Variants in TM4SF18 observed in about 807,000 individuals in gnomAD.
TM4SF18 encodes the protein transmembrane 4 L6 family member 18.
A neutral mutation model predicts 23.8 loss-of-function variants in TM4SF18; 22 were observed. The observed-to-expected ratio is 0.92, with a 90% confidence interval of 0.66 to 1.32. TM4SF18 has a LOEUF of 1.32. Ranked by LOEUF, TM4SF18 falls within the 40% of genes most tolerant of loss-of-function variation. The pLI, the probability that TM4SF18 is intolerant of heterozygous loss-of-function variation, is 0.00. For synonymous variants in TM4SF18, 87 were observed against 87.9 expected (o/e 0.99, Z 0.06); for missense variants, 255 against 240.3 (o/e 1.06, Z -0.41).
intron 4 of TM4SF18, among the ~76,000 whole-genome samples, chr3:149,323,063 A>AT (rs1298217249): frequency 6.6e-6 from 1 of 151,802 alleles, no homozygotes; most frequent in Non-Finnish European, 1.5e-5. Context: ...CGCCCGGCTA[A>AT]TTTTTTGTAT....
intron 4 of TM4SF18, among the ~76,000 whole-genome samples, chr3:149,324,250 C>T (rs1388486135): frequency 2.0e-5 from 3 of 152,168 alleles, no homozygotes; most frequent in African/African-American, 7.2e-5. Context: ...TGTGAGACTC[C>T]TGACTGAATT....
In TM4SF18 at chr3:149,321,312, G is replaced by A. The variant is rs1189838886; in HGVS notation, c.*166C>T. ...ATATTACTTAAAAAACATACTAAATGGAAGGGTGGTATACTTGCATGTGCA... is the reference window on the plus strand; with the variant it reads ...ATATTACTTAAAAAACATACTAAATAGAAGGGTGGTATACTTGCATGTGCA... On this transcript the variant is annotated 3_prime_UTR_variant, in exon 6 of 6. Coordinates refer to ENST00000296059, the MANE Select transcript of TM4SF18 (RefSeq NM_138786.4). 10 of 452,620 alleles carry A rather than the reference G, an allele frequency of 2.2e-5. No individual in the cohort carries two copies. The highest frequency in any genetic ancestry group is 3.2e-5 in the Non-Finnish European group (8 of 246,250). The allele number at this position is 452,620 out of a possible 1,614,324, so 28.0% of individuals were successfully genotyped here.
At chr3:149,328,127 G>T (rs1730997328) in intron 3 of TM4SF18, among the ~76,000 whole-genome samples, 1 of 152,144 alleles carries the variant, frequency 6.6e-6, no homozygotes. Flanking sequence ...AATGGAGAGT[G>T]CCTTAGTTCC....
chr3:149,323,563 A>G (rs1043215687), intron 4 of TM4SF18, among the ~76,000 whole-genome samples: 1 of 152,216 alleles, frequency 6.6e-6, no homozygotes, highest in African/African-American at 2.4e-5. Flanking sequence ...ATGGACATTT[A>G]TCAGTTCCCA....
At chr3:149,330,842 T>C (rs1731071542) in intron 2 of TM4SF18, among the ~76,000 whole-genome samples, 1 of 152,144 alleles carries the variant, frequency 6.6e-6, no homozygotes, top group African/African-American at 2.4e-5. Context: ...CCTCTCTTCA[T>C]TTACTGTCCT....
Position 149,319,081 on chromosome 3 carries a change from C to T in TM4SF18, c.*2397G>A, listed in dbSNP as rs979517128. 3.3e-5 allele frequency: 5 copies of T among 151,898 alleles called. No individual in the cohort carries two copies. The highest frequency in any genetic ancestry group is 4.4e-5 in the Non-Finnish European group (3 of 67,998). 9.4% of individuals were successfully genotyped at this position (151,898 alleles called of 1,614,324 possible). On this transcript the variant is annotated 3_prime_UTR_variant, in exon 6 of 6. Coordinates refer to ENST00000296059, the MANE Select transcript of TM4SF18 (RefSeq NM_138786.4). ...GGTATCATGCTGCATTTGGCTGTAC[C>T]CCTGATGTGTCCAATGCTGTGGTGG...
chr3:149,322,905 C>CTTTTTTTTTTTT (rs34338382), intron 4 of TM4SF18, among the ~76,000 whole-genome samples: 6 of 128,784 alleles, frequency 4.7e-5, no homozygotes, highest in Non-Finnish European at 6.9e-5. Context: ...GGCCTCCAGA[C>CTTTTTTTTTTTT]TTTTTTTTTT....
Position 149,319,851 on chromosome 3 carries a change from A to G in TM4SF18, c.*1627T>C, listed in dbSNP as rs1030727686. On this transcript the variant is annotated 3_prime_UTR_variant, in exon 6 of 6. Coordinates refer to ENST00000296059, the MANE Select transcript of TM4SF18 (RefSeq NM_138786.4). ...CTAGTTCAAATTCTTATGCTTGAATAACCACCAGTCTTGTTTGGACAGTGT... is the reference window on the plus strand; with the variant it reads ...CTAGTTCAAATTCTTATGCTTGAATGACCACCAGTCTTGTTTGGACAGTGT... 6.6e-5 allele frequency: 10 copies of G among 152,230 alleles called. No homozygotes were observed. The highest frequency in any genetic ancestry group is 2.4e-4 in the African/African-American group (10 of 41,466). The allele number at this position is 152,230 out of a possible 1,614,324, so 9.4% of individuals were successfully genotyped here.
At chr3:149,332,393 C>A (rs1225143847) in intron 2 of TM4SF18, among the ~76,000 whole-genome samples, 1 of 152,088 alleles carries the variant, frequency 6.6e-6, no homozygotes, top group African/African-American at 2.4e-5. Context: ...AATGACTTGA[C>A]CAGGAAATTG....
At chr3:149,321,597 A>G in intron 5 of TM4SF18, 105 bp from the exon 6 acceptor site, 1 of 686,236 alleles carries the variant, frequency 1.5e-6, no homozygotes, top group Non-Finnish European at 2.4e-6. Context: ...TATTCAAAAT[A>G]TGATAGAACA....
At chr3:149,327,280 TG>T (rs1217579318) in intron 3 of TM4SF18, among the ~76,000 whole-genome samples, 1 of 152,146 alleles carries the variant, frequency 6.6e-6, no homozygotes, top group Non-Finnish European at 1.5e-5. Context: ...GTCTTGTAAT[TG>T]GTTTTTGAGC....
At chr3:149,323,720 C>A (rs1730865649) in intron 4 of TM4SF18, among the ~76,000 whole-genome samples, 2 of 152,020 alleles carry the variant, frequency 1.3e-5, no homozygotes, top group South Asian at 2.1e-4. Flanking sequence ...GTGGTTTGAA[C>A]AATATGAAAT....
At chr3:149,322,506 G>T in intron 4 of TM4SF18, 70 bp from the exon 5 acceptor site, 1 of 1,345,318 alleles carries the variant, frequency 7.4e-7, no homozygotes, top group Non-Finnish European at 1.0e-6. Context: ...TTGTATGTTT[G>T]AGAAATTACT....
At chr3:149,324,790 A>G in intron 4 of TM4SF18, 90 bp downstream of exon 4, 1 of 1,559,114 alleles carries the variant, frequency 6.4e-7, no homozygotes, top group Non-Finnish European at 8.8e-7. Flanking sequence ...TGGAACCCCA[A>G]AGTGATCATG....
At chr3:149,333,143 G>C in intron 2 of TM4SF18, 63 bp downstream of exon 2, 1 of 1,420,902 alleles carries the variant, frequency 7.0e-7, no homozygotes, top group South Asian at 1.4e-5. Flanking sequence ...ACTTCTACTA[G>C]TTACAAGGTA....
At position 149,318,937 on chromosome 3, in the gene TM4SF18, AAC is replaced by A. The variant is rs1730737705; in HGVS notation, c.*2539_*2540del. On this transcript the variant is annotated 3_prime_UTR_variant, in exon 6 of 6. Coordinates refer to ENST00000296059, the MANE Select transcript of TM4SF18 (RefSeq NM_138786.4). ...TTACTTTGAATTCACGAGGATATAAAACACATATTCAGCTTTTTTTGTATTCA... is the reference window on the plus strand; with the variant it reads ...TTACTTTGAATTCACGAGGATATAAAACATATTCAGCTTTTTTTGTATTCA... 1 of 152,220 alleles carries A rather than the reference AAC, an allele frequency of 6.6e-6. No individual in the cohort carries two copies. Among genetic ancestry groups the A allele is most frequent in the Non-Finnish European group, 1.5e-5 (1 of 68,042 alleles). 9.4% of individuals were successfully genotyped at this position (152,220 alleles called of 1,614,324 possible).
Position 149,325,122 on chromosome 3 carries a change from C to CA in TM4SF18, c.268-101dup, listed in dbSNP as rs1730911280. On this transcript the variant is annotated intron_variant, in intron 3 of 5. Coordinates refer to ENST00000296059, the MANE Select transcript of TM4SF18 (RefSeq NM_138786.4). ...CTACATTCCCCTATTCACCCAAGCT[C>CA]ATGCAGTCTATACAATACTAAATGC... 3.3e-6 allele frequency: 4 copies of CA among 1,199,398 alleles called. No individual in the cohort carries two copies. The South Asian group carries it at 5.7e-5, about 17-fold the overall frequency. The allele number at this position is 1,199,398 out of a possible 1,614,324, so 74.3% of individuals were successfully genotyped here.
rs758358953 is a variant in TM4SF18, at chr3:149,322,412, C to T, written c.435G>A (p.Trp145Ter). ...CATGTGCAGGTTCCAGGCACTGAAT[C>T]CATATGCTAGAATCTGTAAGGAAAC... ...AGRFLTDSSI[W>*]IQCLEPAHVV... Residue 145 changes from tryptophan (W) to a stop codon, truncating the protein, a stop_gained, in exon 5 of 6, where the codon TGG becomes TGA. Coordinates refer to ENST00000296059, the MANE Select transcript of TM4SF18 (RefSeq NM_138786.4). LOFTEE classifies it high-confidence loss of function. The T allele has an allele frequency of 7.4e-6, 12 of 1,613,770 alleles. No individual in the cohort carries two copies. The South Asian group carries it at 1.3e-4, about 18-fold the overall frequency.
chr3:149,323,967 G>A (rs1026826352), intron 4 of TM4SF18, among the ~76,000 whole-genome samples: 1 of 152,232 alleles, frequency 6.6e-6, no homozygotes, highest in African/African-American at 2.4e-5. Context: ...TACAGTCACA[G>A]AAGCAGCTCT....
Sources: gnomAD v4.1 joint callset for allele counts (sites outside exome capture counted in the v4.1 genomes callset) on GRCh38, gnomAD v4.1.1 for gene constraint, MANE v1.5 for transcripts, NCBI Gene and HGNC (gene_info 2026-07-23, HGNC 2026-07-21) for gene names.